Variants in CCDC30 observed in about 807,000 individuals in gnomAD.
CCDC30 encodes coiled-coil domain-containing protein 30.
In CCDC30, 70 loss-of-function variants were observed where a neutral mutation model predicts 100.2. The observed-to-expected ratio is 0.70, with a 90% CI of 0.58 to 0.85. CCDC30 has a LOEUF of 0.85. Among genes scored for constraint, CCDC30 ranks in the 40% least tolerant of loss-of-function variants. The pLI is 0.00. For synonymous variants in CCDC30, 233 were observed against 269.5 expected (o/e 0.86, Z 1.33); for missense variants, 652 against 771.2 (o/e 0.85, Z 1.83).
At chr1:42,460,192 G>A, upstream of CCDC30, 2 of 1,145,628 alleles carry the variant, frequency 1.7e-6, no homozygotes, top group Non-Finnish European at 1.1e-6. Flanking sequence ...ATATACATGG[G>A]GGCCTGAATG....
upstream of CCDC30, chr1:42,459,928 G>C (rs1428533120): frequency 1.2e-6 from 2 of 1,600,594 alleles, no homozygotes; most frequent in Non-Finnish European, 1.7e-6. Context: ...AGAAACTGAA[G>C]TAAAAAGCCC....
At chr1:42,499,777 A>G (rs1176181070) in intron 6 of CCDC30, among the ~76,000 whole-genome samples, 1 of 131,264 alleles carries the variant, frequency 7.6e-6, no homozygotes, top group Admixed American at 7.5e-5. Flanking sequence ...TCTGGCTTGT[A>G]TTCTTTTTTT....
chr1:42,489,180 G>A (rs1644097722), intron 3 of CCDC30, among the ~76,000 whole-genome samples: 4 of 152,174 alleles, frequency 2.6e-5, no homozygotes, highest in Admixed American at 2.6e-4. Context: ...TTGGCTCAGT[G>A]TAAACAGACT....
chr1:42,541,181 G>A (rs556992952), intron 6 of CCDC30, among the ~76,000 whole-genome samples: 3 of 152,298 alleles, frequency 2.0e-5, no homozygotes, highest in African/African-American at 7.2e-5. Context: ...TCTGGTGAGG[G>A]CATTCTTCCT....
At chr1:42,655,471 C>T (rs1648626429), downstream of CCDC30, among the ~76,000 whole-genome samples, 1 of 151,960 alleles carries the variant, frequency 6.6e-6, no homozygotes. Flanking sequence ...CACTTGAACC[C>T]GAGAGGCAGA....
chr1:42,645,901 T>C (rs1647844853), intron 14 of CCDC30, among the ~76,000 whole-genome samples: 1 of 152,216 alleles, frequency 6.6e-6, no homozygotes. Context: ...GACAAACACA[T>C]TTGTAAATAA....
intron 11 of CCDC30, among the ~76,000 whole-genome samples, chr1:42,634,050 T>C (rs1425502579): frequency 6.6e-6 from 1 of 152,090 alleles, no homozygotes; most frequent in Non-Finnish European, 1.5e-5. Context: ...ACCGCCCCCA[T>C]GATTCAATTA....
At chr1:42,570,080 C>T (rs1334816916) in intron 7 of CCDC30, among the ~76,000 whole-genome samples, 4 of 152,168 alleles carry the variant, frequency 2.6e-5, no homozygotes, top group Admixed American at 6.5e-5. Context: ...ACCTATGTAA[C>T]AAACCTGCGT....
chr1:42,642,550 CAT>C lies in CCDC30; in HGVS notation c.1499_1500del (p.Ile500ArgfsTer25), dbSNP rs768873250. 1 of 1,605,474 alleles carries C rather than the reference CAT, an allele frequency of 6.2e-7. No homozygotes were observed. On this transcript the variant is annotated frameshift_variant, in exon 13 of 17. Transcript: ENST00000668663. LOFTEE classifies it high-confidence loss of function. ...AAAAAAGGAAACTTCAGGAGCAAGT[CAT>C]AGAGCAAGAACAGTTGATCCACAGC...
chr1:42,567,577 A>T (rs1464129374), intron 7 of CCDC30, among the ~76,000 whole-genome samples: 1 of 152,044 alleles, frequency 6.6e-6, no homozygotes. Context: ...ATTTGAATAA[A>T]CCTCTTCCCT....
chr1:42,510,195 C>T, intron 6 of CCDC30: 8 of 756,780 alleles, frequency 1.1e-5, no homozygotes, highest in South Asian at 6.0e-5. Flanking sequence ...GATGATTCCC[C>T]TGTTTCTTTA....
intron 11 of CCDC30, among the ~76,000 whole-genome samples, chr1:42,614,143 G>A (rs6682511): frequency 6.7e-6 from 1 of 148,894 alleles, no homozygotes; most frequent in East Asian, 2.0e-4. Context: ...TGCAGTGGCC[G>A]GATCTCGGCT....
chr1:42,650,662 TC>T (rs1260310862), intron 15 of CCDC30, among the ~76,000 whole-genome samples: 1 of 152,102 alleles, frequency 6.6e-6, no homozygotes, highest in East Asian at 1.9e-4. Context: ...TTTTTCTTTT[TC>T]TGCTGCCCAG....
intron 6 of CCDC30, among the ~76,000 whole-genome samples, chr1:42,522,288 A>C (rs1233126182): frequency 6.6e-6 from 1 of 152,116 alleles, no homozygotes; most frequent in Non-Finnish European, 1.5e-5. Flanking sequence ...GGACTTTTTT[A>C]ATCCAATTTG....
At chr1:42,466,382 T>A (rs1026459328) in intron 1 of CCDC30, among the ~76,000 whole-genome samples, 3 of 152,164 alleles carry the variant, frequency 2.0e-5, no homozygotes, top group Non-Finnish European at 4.4e-5. Context: ...CGTTTAAAAT[T>A]CTTTGTCTCA....
In CCDC30 at chr1:42,563,928, A is replaced by AT. The variant is rs200531314; in HGVS notation, c.457-2359dup. ...ATAATTACATTATAACCCATTGAAG[A>AT]TTTTTTTTTCCTAGGGATCTTGCAG... On this transcript the variant is annotated intron_variant, in intron 6 of 16. Coordinates refer to ENST00000668663, the Ensembl canonical transcript of CCDC30. Among the ~76,000 whole-genome samples the AT allele has an allele frequency of 1.3e-3, 202 of 151,514 alleles. 2 individuals are homozygous for AT. Among genetic ancestry groups the AT allele is most frequent in the African/African-American group, 4.4e-3 (180 of 41,316 alleles).
At chr1:42,649,919 A>T (rs1648187513) in intron 15 of CCDC30, among the ~76,000 whole-genome samples, 1 of 152,254 alleles carries the variant, frequency 6.6e-6, no homozygotes, top group Non-Finnish European at 1.5e-5. Flanking sequence ...ACTTAAAACT[A>T]CAAAACTTTG....
chr1:42,622,118 T>C (rs1349030135), intron 11 of CCDC30, among the ~76,000 whole-genome samples: 1 of 152,214 alleles, frequency 6.6e-6, no homozygotes, highest in African/African-American at 2.4e-5. Context: ...GGTAACCATC[T>C]TGTACTCTCT....
intron 6 of CCDC30, among the ~76,000 whole-genome samples, chr1:42,535,555 G>A (rs139641815): frequency 5.7e-4 from 85 of 148,348 alleles, no homozygotes; most frequent in African/African-American, 2.1e-3. Flanking sequence ...TTGACAGGTT[G>A]GCTTTTACAA....
Sources: allele counts gnomAD v4.1 joint callset (sites outside exome capture counted in the v4.1 genomes callset), GRCh38; gene constraint gnomAD v4.1.1; transcripts MANE v1.5; gene names NCBI Gene and HGNC (gene_info 2026-07-23, HGNC 2026-07-21).